The following RCBTB1 variants were observed in gnomAD, a reference collection of about 807,000 sequenced individuals.
RCBTB1 encodes RCC1 and BTB domain-containing protein 1.
In RCBTB1, 46 loss-of-function variants were observed where a neutral mutation model predicts 62.4. The ratio of observed to expected loss-of-function variants is 0.74; its 90% CI spans 0.58 to 0.94. RCBTB1 has a LOEUF of 0.94. Among genes scored for constraint, RCBTB1 ranks in the 40% least tolerant of loss-of-function variants. RCBTB1 has a pLI of 0.00. For synonymous variants in RCBTB1, 222 were observed against 245.8 expected, an observed-to-expected ratio of 0.90 and a Z score of 0.91; for missense variants, 565 against 654.9, an observed-to-expected ratio of 0.86 and a Z score of 1.50.
At chr13:49,576,177 CAAAAAAAAAA>C (rs71078868) in intron 2 of RCBTB1, among the ~76,000 whole-genome samples, 1 of 39,980 alleles carries the variant, frequency 2.5e-5, no homozygotes, top group Non-Finnish European at 3.9e-5. Flanking sequence ...ACAGGCGTCG[CAAAAAAAAAA>C]AAAAAAAAAA....
chr13:49,541,819 T>C lies in RCBTB1; in HGVS notation c.1181A>G (p.His394Arg). 1 of 1,610,288 alleles carries C rather than the reference T, an allele frequency of 6.2e-7. No individual in the cohort carries two copies. Among genetic ancestry groups the C allele is most frequent in the African/African-American group, 1.3e-5 (1 of 74,782 alleles). Residue 394 changes from histidine (H) to arginine (R), a missense_variant, in exon 11 of 13, where the codon CAT (histidine) becomes CGT (arginine). Transcript: ENST00000378302. ...HKAVLKIRCEHFRSMFQSYWN... is the reference protein window; with the variant it reads ...HKAVLKIRCERFRSMFQSYWN... ...ATACGACTGGAACATGGATCGAAAATGCTCACACCTAAAACAGCAAAGCAA... is the reference window on the plus strand; with the variant it reads ...ATACGACTGGAACATGGATCGAAAACGCTCACACCTAAAACAGCAAAGCAA...
chr13:49,558,190 T>TAG (rs1962105479), intron 5 of RCBTB1, among the ~76,000 whole-genome samples: 1 of 152,140 alleles, frequency 6.6e-6, no homozygotes, highest in Non-Finnish European at 1.5e-5. Context: ...GACTAGTTTG[T>TAG]GTCTAAGCTG....
intron 9 of RCBTB1, chr13:49,547,019 T>TG: frequency 8.3e-7 from 1 of 1,199,962 alleles, no homozygotes; most frequent in South Asian, 1.5e-5. Context: ...ATATAAGAAC[T>TG]GGGGGAAGCC....
At position 49,577,728 on chromosome 13, in the gene RCBTB1, C is replaced by T. The variant is rs188536902; in HGVS notation, c.-42+2777G>A. 4.3e-3 allele frequency among the ~76,000 whole-genome samples: 655 copies of T among 152,116 alleles called. 2 individuals carry two copies. The highest frequency in any genetic ancestry group is 0.012 in the African/African-American group (513 of 41,490). ...TTGTGTCATTCTTTATTATGGAAGCCGATAGCCAGAGGAAACTGGAAGGGC... is the reference window on the plus strand; with the variant it reads ...TTGTGTCATTCTTTATTATGGAAGCTGATAGCCAGAGGAAACTGGAAGGGC... On this transcript the variant is annotated intron_variant, in intron 2 of 12. Transcript: ENST00000378302.
At chr13:49,558,015 G>A (rs1392643659) in intron 5 of RCBTB1, among the ~76,000 whole-genome samples, 2 of 152,184 alleles carry the variant, frequency 1.3e-5, no homozygotes, top group African/African-American at 4.8e-5. Context: ...GCTTACAGCA[G>A]GTCCTTGAAA....
At chr13:49,555,239 G>A (rs886463122) in intron 6 of RCBTB1, among the ~76,000 whole-genome samples, 3 of 152,110 alleles carry the variant, frequency 2.0e-5, no homozygotes, top group African/African-American at 4.8e-5. Flanking sequence ...TAAATATCAC[G>A]AACAAATAGC....
At position 49,566,772 on chromosome 13, in the gene RCBTB1, G is replaced by A; in HGVS notation, c.127-4C>T. 1.3e-6 allele frequency: 2 copies of A among 1,594,482 alleles called. No homozygotes were observed. The highest frequency in any genetic ancestry group is 1.7e-6 in the Non-Finnish European group (2 of 1,173,164). ...AGTTCAGTCCAAATACAAAGACCTA[G>A]AAAATAGATAGTTTTTTTTCTGAGT... is the stretch of plus-strand genomic sequence containing the variant. On this transcript the variant is annotated splice_region_variant and splice_polypyrimidine_tract_variant and intron_variant, in intron 3 of 12. Transcript: ENST00000378302.
chr13:49,575,597 A>T (rs1266820705), intron 2 of RCBTB1, among the ~76,000 whole-genome samples: 32 of 152,182 alleles, frequency 2.1e-4, no homozygotes, highest in Admixed American at 2.1e-3. Context: ...AAAATCATGG[A>T]TGCAGCTACA....
intron 5 of RCBTB1, 58 bp downstream of exon 5, chr13:49,559,860 A>G: frequency 6.7e-7 from 1 of 1,496,164 alleles, no homozygotes; most frequent in East Asian, 2.3e-5. Context: ...ATTTTATGTT[A>G]AGTGTATTTA....
At position 49,534,016 on chromosome 13, in the gene RCBTB1, C is replaced by A; in HGVS notation, c.*106G>T. On this transcript the variant is annotated 3_prime_UTR_variant, in exon 13 of 13. Transcript: ENST00000378302. ...GTGTCCCAGATGTGGAAAAAAACAACCTGATGGTCTTTTACCTGCAGAATC... is the reference window on the plus strand; with the variant it reads ...GTGTCCCAGATGTGGAAAAAAACAAACTGATGGTCTTTTACCTGCAGAATC... 1 of 1,242,890 alleles carries A rather than the reference C, an allele frequency of 8.0e-7. No homozygotes were observed. Among genetic ancestry groups the A allele is most frequent in the Non-Finnish European group, 1.1e-6 (1 of 901,320 alleles). 77.0% of individuals were successfully genotyped at this position (1,242,890 alleles called of 1,614,324 possible).
At chr13:49,552,122 AGT>A in intron 7 of RCBTB1, 54 bp downstream of exon 7, 1 of 1,138,552 alleles carries the variant, frequency 8.8e-7, no homozygotes, top group Non-Finnish European at 1.3e-6. Context: ...TATTTCTCCA[AGT>A]TAGAGCAAGG....
At chr13:49,582,285 G>A (rs1182076860) in intron 1 of RCBTB1, among the ~76,000 whole-genome samples, 1 of 152,076 alleles carries the variant, frequency 6.6e-6, no homozygotes, top group Non-Finnish European at 1.5e-5. Flanking sequence ...TCAGGAGTTC[G>A]AGACCGGCCT....
chr13:49,547,349 A>G (rs1468921904), intron 9 of RCBTB1, among the ~76,000 whole-genome samples: 1 of 152,186 alleles, frequency 6.6e-6, no homozygotes, highest in Non-Finnish European at 1.5e-5. Flanking sequence ...ACACCTAAGC[A>G]TGACGTTTTA....
chr13:49,583,979 C>G (rs887843695), intron 1 of RCBTB1, among the ~76,000 whole-genome samples: 3 of 152,170 alleles, frequency 2.0e-5, no homozygotes, highest in Non-Finnish European at 4.4e-5. Context: ...TAATGTAGTA[C>G]ACACAGAAGG....
intron 4 of RCBTB1, among the ~76,000 whole-genome samples, chr13:49,565,023 G>GCTCCCT (rs1272523522): frequency 6.6e-6 from 1 of 152,082 alleles, no homozygotes; most frequent in African/African-American, 2.4e-5. Context: ...TCCCACTCCC[G>GCTCCCT]CTCCCTCTCC....
intron 2 of RCBTB1, among the ~76,000 whole-genome samples, chr13:49,571,454 G>A (rs1963396112): frequency 6.6e-6 from 1 of 152,180 alleles, no homozygotes; most frequent in Admixed American, 6.5e-5. Context: ...CTGCACTTTT[G>A]CATCAACCAT....
intron 4 of RCBTB1, among the ~76,000 whole-genome samples, chr13:49,566,061 AG>A (rs1396104596): frequency 6.9e-6 from 1 of 145,648 alleles, no homozygotes; most frequent in African/African-American, 2.6e-5. Flanking sequence ...GCTTGAAGGC[AG>A]CATGCTCGTT....
At chr13:49,558,944 T>C (rs1330306925) in intron 5 of RCBTB1, among the ~76,000 whole-genome samples, 4 of 152,234 alleles carry the variant, frequency 2.6e-5, no homozygotes, top group Admixed American at 2.6e-4. Context: ...AATTCTCTTA[T>C]TGCTTTTATT....
rs765307655 is a variant in RCBTB1 at position 49,549,432 on chromosome 13, G to A, written c.1045+26C>T. On this transcript the variant is annotated intron_variant, in intron 9 of 12. Coordinates refer to ENST00000378302, the MANE Select transcript of RCBTB1 (RefSeq NM_018191.4). ...CAGTTGGTAGTACCATTCTTCCTGG[G>A]TGGAGGTGGCCCTGCACTTTCTTAC... 6.1e-5 allele frequency: 97 copies of A among 1,585,988 alleles called. No homozygotes were observed. In the Middle Eastern group the frequency reaches 1.3e-3, roughly 22 times the overall value.
Sources: gnomAD v4.1 joint callset for allele counts (sites outside exome capture counted in the v4.1 genomes callset) on GRCh38, gnomAD v4.1.1 for gene constraint, MANE v1.5 for transcripts, NCBI Gene and HGNC (gene_info 2026-07-23, HGNC 2026-07-21) for gene names.